The following FSTL5 variants were observed in gnomAD, a reference collection of about 807,000 sequenced individuals.
FSTL5 encodes the protein follistatin like 5, also known as follistatin-related protein 5.
FSTL5 carries 62 observed loss-of-function variants against 89.1 expected under a neutral mutation model. The ratio of observed to expected loss-of-function variants is 0.70; its 90% CI spans 0.57 to 0.86. The LOEUF (loss-of-function observed/expected upper bound fraction) is 0.86. Among genes scored for constraint, FSTL5 ranks in the 40% least tolerant of loss-of-function variants. The pLI, the probability that FSTL5 is intolerant of heterozygous loss-of-function variation, is 0.00. For synonymous variants in FSTL5, 383 were observed against 346.2 expected (o/e 1.11, Z -1.18); for missense variants, 1,057 against 1,001.6 (o/e 1.06, Z -0.75).
intron 5 of FSTL5, among the ~76,000 whole-genome samples, chr4:161,759,895 C>T (rs1740724107): frequency 1.3e-5 from 2 of 151,938 alleles, no homozygotes; most frequent in Admixed American, 1.3e-4. Context: ...TCCTGTGTCT[C>T]GGTGACCTAT....
At position 161,791,785 on chromosome 4, in the gene FSTL5, A is replaced by G. The variant is rs182524157; in HGVS notation, c.410-15711T>C. ...AATCAGGTAGCTATAGATACATTCA[A>G]TGCTGAATTCCAAGACAGCATTGCT... On this transcript the variant is annotated intron_variant, in intron 4 of 15. Coordinates refer to ENST00000306100, the MANE Select transcript of FSTL5 (RefSeq NM_020116.5). 4.0e-3 allele frequency among the ~76,000 whole-genome samples: 615 copies of G among 152,366 alleles called. 3 individuals are homozygous for G. Among genetic ancestry groups the G allele is most frequent in the African/African-American group, 0.014 (590 of 41,592 alleles).
chr4:162,080,275 T>C (rs897115898), intron 2 of FSTL5, among the ~76,000 whole-genome samples: 52 of 151,650 alleles, frequency 3.4e-4, no homozygotes, highest in African/African-American at 1.2e-3. Flanking sequence ...TGACAAATTG[T>C]GTAAGGATTT....
chr4:162,028,405 C>T lies in FSTL5; in HGVS notation c.160+5220G>A, dbSNP rs140848671. ...CATCCTGGCCAACATGGCAAAACCC[C>T]AACTCTACTAAAAATACAAAAATTA... On this transcript the variant is annotated intron_variant, in intron 3 of 15. Coordinates refer to ENST00000306100, the MANE Select transcript of FSTL5 (RefSeq NM_020116.5). Among the ~76,000 whole-genome samples the T allele has an allele frequency of 8.0e-3, 1,211 of 152,126 alleles. 10 individuals are homozygous for T. Among genetic ancestry groups the T allele is most frequent in the Middle Eastern group, 0.037 (11 of 294 alleles).
chr4:162,007,423 G>T (rs1007833482), intron 3 of FSTL5, among the ~76,000 whole-genome samples: 3 of 151,604 alleles, frequency 2.0e-5, no homozygotes, highest in Admixed American at 6.6e-5. Context: ...TCAAGTAAAT[G>T]TATTTTTCAA....
intron 4 of FSTL5, among the ~76,000 whole-genome samples, chr4:161,809,151 G>A (rs565302639): frequency 2.0e-5 from 3 of 152,244 alleles, no homozygotes; most frequent in East Asian, 1.9e-4. Flanking sequence ...CCCGGGAGGC[G>A]GAGCTTGCAG....
At chr4:162,052,223 A>T (rs1356233137) in intron 2 of FSTL5, among the ~76,000 whole-genome samples, 2 of 151,610 alleles carry the variant, frequency 1.3e-5, no homozygotes, top group Non-Finnish European at 3.0e-5. Flanking sequence ...ATGCCAAAAT[A>T]GGACAAGAAG....
intron 6 of FSTL5, among the ~76,000 whole-genome samples, chr4:161,722,017 T>C (rs1485786522): frequency 1.3e-5 from 2 of 152,178 alleles, no homozygotes; most frequent in Non-Finnish European, 2.9e-5. Context: ...CATCTTCTTA[T>C]ACATAATATG....
At chr4:161,860,243 G>C (rs550530120) in intron 4 of FSTL5, among the ~76,000 whole-genome samples, 5 of 152,168 alleles carry the variant, frequency 3.3e-5, no homozygotes, top group South Asian at 2.1e-4. Context: ...AGAGGAGATC[G>C]CGCCACTGCA....
chr4:161,604,419 CAG>C (rs1734365140), intron 7 of FSTL5, among the ~76,000 whole-genome samples: 1 of 151,948 alleles, frequency 6.6e-6, no homozygotes, highest in Non-Finnish European at 1.5e-5. Flanking sequence ...TTAACTAAAA[CAG>C]AGAGTTGGAA....
intron 3 of FSTL5, among the ~76,000 whole-genome samples, chr4:161,936,568 C>T (rs1560925497): frequency 1.3e-5 from 2 of 152,092 alleles, no homozygotes; most frequent in Non-Finnish European, 2.9e-5. Context: ...CTTATTTATA[C>T]ACAGTTTCCT....
intron 7 of FSTL5, among the ~76,000 whole-genome samples, chr4:161,638,500 C>T (rs1185159511): frequency 2.6e-5 from 4 of 152,038 alleles, no homozygotes; most frequent in African/African-American, 9.7e-5. Context: ...TCCAACACAA[C>T]AATCAATAGT....
intron 6 of FSTL5, among the ~76,000 whole-genome samples, chr4:161,690,734 CA>C (rs1737913493): frequency 6.6e-6 from 1 of 151,998 alleles, no homozygotes; most frequent in Admixed American, 6.6e-5. Flanking sequence ...GTTTGTTGTA[CA>C]GATTATTTCA....
chr4:162,122,655 G>A (rs1334528311), intron 1 of FSTL5, among the ~76,000 whole-genome samples: 1 of 152,024 alleles, frequency 6.6e-6, no homozygotes, highest in Non-Finnish European at 1.5e-5. Flanking sequence ...AATATAAGCT[G>A]AAAGTTAAGA....
chr4:161,430,729 G>A (rs1179566399), intron 15 of FSTL5, among the ~76,000 whole-genome samples: 1 of 152,070 alleles, frequency 6.6e-6, no homozygotes, highest in Non-Finnish European at 1.5e-5. Flanking sequence ...GACAGAGCGC[G>A]ACTCCGTCAG....
At chr4:161,629,939 G>A (rs1194418168) in intron 7 of FSTL5, among the ~76,000 whole-genome samples, 1 of 152,156 alleles carries the variant, frequency 6.6e-6, no homozygotes, top group Non-Finnish European at 1.5e-5. Flanking sequence ...CGGAGGCTCA[G>A]GACCTCCTGG....
chr4:161,913,463 G>A (rs958680141), intron 4 of FSTL5, among the ~76,000 whole-genome samples: 2 of 152,178 alleles, frequency 1.3e-5, no homozygotes, highest in African/African-American at 4.8e-5. Flanking sequence ...CCAAGCCCTG[G>A]CAGCTTCCAT....
intron 12 of FSTL5, among the ~76,000 whole-genome samples, chr4:161,493,686 A>G: frequency 6.6e-6 from 1 of 152,068 alleles, no homozygotes. Flanking sequence ...CTGTTGAAAA[A>G]TCTAAATAAC....
rs139222451 is a variant in FSTL5 at position 161,815,144 on chromosome 4, G to A, written c.410-39070C>T. On this transcript the variant is annotated intron_variant, in intron 4 of 15. Transcript: ENST00000306100. ...ATTAAAATTCAAGGTTAACAAGTCCGTATCATTTCTAAGCTCTTAAATATA... is the reference window on the plus strand; with the variant it reads ...ATTAAAATTCAAGGTTAACAAGTCCATATCATTTCTAAGCTCTTAAATATA... 8.3e-3 allele frequency among the ~76,000 whole-genome samples: 1,261 copies of A among 151,900 alleles called. 22 individuals are homozygous for A. The highest frequency in any genetic ancestry group is 0.026 in the African/African-American group (1,083 of 41,486).
intron 4 of FSTL5, among the ~76,000 whole-genome samples, chr4:161,779,811 GTATATATA>G (rs1203119725): frequency 1.2e-4 from 5 of 40,428 alleles, no homozygotes; most frequent in East Asian, 8.1e-4. Context: ...ATATATATAT[GTATATATA>G]TATATATATA....
Sources: gnomAD v4.1 joint callset for allele counts (sites outside exome capture counted in the v4.1 genomes callset) on GRCh38, gnomAD v4.1.1 for gene constraint, MANE v1.5 for transcripts, NCBI Gene and HGNC (gene_info 2026-07-23, HGNC 2026-07-21) for gene names.